ABI2: variants seen among roughly 807,000 people sequenced by gnomAD.
ABI2 encodes abelson interactor 2.
A neutral mutation model predicts 59.2 loss-of-function variants in ABI2; 25 were observed. The ratio of observed to expected loss-of-function variants is 0.42; its 90% CI spans 0.31 to 0.59. The LOEUF (loss-of-function observed/expected upper bound fraction) is 0.59, where lower values mean the gene tolerates loss of function less well. Ranked by LOEUF, ABI2 falls within the 20% of genes least tolerant of loss-of-function variation. ABI2 has a pLI of 0.14. For missense variants in ABI2, 545 were observed against 681.8 expected (o/e 0.80, Z 2.23); for synonymous variants, 213 against 235.5 (o/e 0.90, Z 0.87).
chr2:203,352,627 A>C (rs2089535458), intron 1 of ABI2, among the ~76,000 whole-genome samples: 1 of 152,240 alleles, frequency 6.6e-6, no homozygotes, highest in South Asian at 2.1e-4. Context: ...GTACAACTGC[A>C]TAATGTATTT....
chr2:203,422,332 C>T (rs2098254161), intron 11 of ABI2, among the ~76,000 whole-genome samples: 1 of 152,140 alleles, frequency 6.6e-6, no homozygotes, highest in Non-Finnish European at 1.5e-5. Context: ...AACTGTCTGC[C>T]ACCCACACTG....
chr2:203,328,553 G>T lies in ABI2; in HGVS notation c.39G>T (p.Pro13=), dbSNP rs766318050. ...AGATGCTGCTGGAAGAGGAAATCCCGGGGGGCCGCCGGGCCCTCTTCGACA... is the reference window on the plus strand; with the variant it reads ...AGATGCTGCTGGAAGAGGAAATCCCTGGGGGCCGCCGGGCCCTCTTCGACA... ...ELQMLLEEEI[P]GGRRALFDSY... is the part of the protein sequence containing the mutation. The change falls in exon 1 of 12, where the codon CCG becomes CCT. Residue 13 remains proline (P), a synonymous_variant. Coordinates refer to ENST00000261018, the MANE Select transcript of ABI2 (RefSeq NM_001375670.1). 5 of 1,604,920 alleles carry T rather than the reference G, an allele frequency of 3.1e-6. No individual in the cohort carries two copies. In the African/African-American group the frequency reaches 5.4e-5, roughly 17 times the overall value.
At chr2:203,352,404 G>A (rs926821899) in intron 1 of ABI2, among the ~76,000 whole-genome samples, 2 of 152,116 alleles carry the variant, frequency 1.3e-5, no homozygotes, top group African/African-American at 2.4e-5. Context: ...TCCAGATGAA[G>A]GCATTGTTAT....
At chr2:203,367,096 C>A in intron 2 of ABI2, 52 bp downstream of exon 2, 3 of 1,539,036 alleles carry the variant, frequency 1.9e-6, no homozygotes, top group African/African-American at 1.4e-5. Context: ...TAATAATAAA[C>A]ACAGGCTATC....
chr2:203,406,962 C>G (rs531048646), intron 9 of ABI2, among the ~76,000 whole-genome samples: 2 of 152,194 alleles, frequency 1.3e-5, no homozygotes. Context: ...CACGGCAAAC[C>G]TTTAACAAGG....
At chr2:203,351,499 C>A (rs940872309) in intron 1 of ABI2, 6 of 392,802 alleles carry the variant, frequency 1.5e-5, no homozygotes, top group Non-Finnish European at 2.9e-5. Context: ...CTTAAAATTT[C>A]TTTCAATGAT....
intron 8 of ABI2, among the ~76,000 whole-genome samples, chr2:203,402,362 T>C (rs2097259635): frequency 6.6e-6 from 1 of 152,216 alleles, no homozygotes; most frequent in Non-Finnish European, 1.5e-5. Context: ...TAGACATAAC[T>C]TTCCAAACTT....
At chr2:203,365,078 C>T (rs1291687083) in intron 1 of ABI2, among the ~76,000 whole-genome samples, 2 of 151,654 alleles carry the variant, frequency 1.3e-5, no homozygotes, top group African/African-American at 4.8e-5. Context: ...AATACATGCC[C>T]AAGTTAAAAA....
At position 203,385,139 on chromosome 2, in the gene ABI2, CT is replaced by C. The variant is rs10527327; in HGVS notation, c.480+2946del. ...TGAGCCACCGCACCCGGCTCAGATT[CT>C]TTTTTTTTTTTTGAGACAGTCTTGC... On this transcript the variant is annotated intron_variant, in intron 4 of 11. Coordinates refer to ENST00000261018, the MANE Select transcript of ABI2 (RefSeq NM_001375670.1). 1.2e-3 allele frequency among the ~76,000 whole-genome samples: 81 copies of C among 69,930 alleles called. 8 individuals are homozygous for C. Among genetic ancestry groups the C allele is most frequent in the South Asian group, 3.2e-3 (4 of 1,254 alleles). The allele number at this position is 69,930 out of a possible 152,430, so 45.9% of individuals were successfully genotyped here.
intron 6 of ABI2, chr2:203,395,177 C>G: frequency 2.9e-6 from 2 of 692,964 alleles, no homozygotes; most frequent in Non-Finnish European, 5.2e-6. Context: ...CATAATAAAA[C>G]ATTAATATGG....
At chr2:203,340,353 A>G (rs1244331815) in intron 1 of ABI2, among the ~76,000 whole-genome samples, 2 of 151,944 alleles carry the variant, frequency 1.3e-5, no homozygotes. Context: ...GTATACTTGA[A>G]ATTTACTAAG....
intron 2 of ABI2, among the ~76,000 whole-genome samples, chr2:203,379,613 T>G (rs992790552): frequency 3.3e-5 from 5 of 152,240 alleles, no homozygotes; most frequent in East Asian, 3.8e-4. Flanking sequence ...GAAATTATAC[T>G]AATAGGTCAT....
At chr2:203,423,017 T>TA (rs1337747511) in intron 11 of ABI2, among the ~76,000 whole-genome samples, 1 of 152,226 alleles carries the variant, frequency 6.6e-6, no homozygotes, top group Non-Finnish European at 1.5e-5. Flanking sequence ...TGGATAATCT[T>TA]ACTAGCATTT....
rs566681505 is a variant in ABI2, at chr2:203,427,619, A to G, written c.*267A>G. The G allele has an allele frequency of 6.5e-6, 2 of 306,948 alleles. No homozygotes were observed. The highest frequency in any genetic ancestry group is 2.1e-5 in the African/African-American group (1 of 48,132). The allele number at this position is 306,948 out of a possible 1,614,324, so 19.0% of individuals were successfully genotyped here. On this transcript the variant is annotated 3_prime_UTR_variant, in exon 12 of 12. Coordinates refer to ENST00000261018, the MANE Select transcript of ABI2 (RefSeq NM_001375670.1). ...ATGTATGTCAAAGGTATAACAGCAT[A>G]ACTGTGTAGCCAAAACAAAATCAGA... is the stretch of plus-strand genomic sequence containing the variant.
At chr2:203,412,802 G>C (rs1335575686) in intron 10 of ABI2, among the ~76,000 whole-genome samples, 1 of 152,114 alleles carries the variant, frequency 6.6e-6, no homozygotes, top group Non-Finnish European at 1.5e-5. Flanking sequence ...TGGGATACAG[G>C]GTCACTGTTG....
intron 1 of ABI2, among the ~76,000 whole-genome samples, chr2:203,349,765 T>G (rs2086455726): frequency 6.6e-6 from 1 of 152,032 alleles, no homozygotes; most frequent in Admixed American, 6.6e-5. Flanking sequence ...TAATACCACA[T>G]TTTGTTTACC....
chr2:203,417,945 G>A (rs1037214781), intron 11 of ABI2, among the ~76,000 whole-genome samples: 5 of 151,442 alleles, frequency 3.3e-5, no homozygotes, highest in Admixed American at 6.6e-5. Context: ...TGAGAGAGAC[G>A]TGGAATATAT....
chr2:203,364,826 T>C (rs751674303), intron 1 of ABI2, among the ~76,000 whole-genome samples: 1 of 151,916 alleles, frequency 6.6e-6, no homozygotes, highest in Non-Finnish European at 1.5e-5. Flanking sequence ...CTTTGGCTTC[T>C]GGGCTCAAGT....
chr2:203,350,263 G>A (rs1477698124), intron 1 of ABI2, among the ~76,000 whole-genome samples: 1 of 152,128 alleles, frequency 6.6e-6, no homozygotes, highest in Non-Finnish European at 1.5e-5. Flanking sequence ...TTTTAGTAGA[G>A]ACGAGGTTTC....
Sources: allele counts gnomAD v4.1 joint callset (sites outside exome capture counted in the v4.1 genomes callset), GRCh38; gene constraint gnomAD v4.1.1; transcripts MANE v1.5; gene names NCBI Gene and HGNC (gene_info 2026-07-23, HGNC 2026-07-21).